MACROD2: variants seen among roughly 807,000 people sequenced by gnomAD.
The protein encoded by MACROD2 is mono-ADP ribosylhydrolase 2.
MACROD2 carries 36 observed loss-of-function variants against 70.4 expected under a neutral mutation model. The ratio of observed to expected loss-of-function variants is 0.51; its 90% CI spans 0.39 to 0.68. The LOEUF is 0.68. MACROD2 is among the 30% of genes least tolerant of loss of function. The pLI, the probability that MACROD2 is intolerant of heterozygous loss-of-function variation, is 0.00. For synonymous variants in MACROD2, 172 were observed against 178.8 expected, an observed-to-expected ratio of 0.96 and a Z score of 0.30; for missense variants, 496 against 538.4, an observed-to-expected ratio of 0.92 and a Z score of 0.78.
chr20:14,815,794 T>C (rs1390632073), intron 5 of MACROD2, among the ~76,000 whole-genome samples: 2 of 152,052 alleles, frequency 1.3e-5, no homozygotes, highest in Non-Finnish European at 2.9e-5. Flanking sequence ...ATTTTTAAAA[T>C]ATCTAACATA....
chr20:14,744,551 G>A (rs2071775130), intron 5 of MACROD2, among the ~76,000 whole-genome samples: 1 of 151,892 alleles, frequency 6.6e-6, no homozygotes, highest in Non-Finnish European at 1.5e-5. Context: ...CAATGTAGTA[G>A]CTTGTGAGAA....
chr20:15,844,394 T>A (rs940257338), intron 8 of MACROD2, among the ~76,000 whole-genome samples: 2 of 152,110 alleles, frequency 1.3e-5, no homozygotes, highest in African/African-American at 4.8e-5. Context: ...CTGCTATCAT[T>A]TAGTGAGCAT....
In MACROD2 at chr20:14,326,667, A is replaced by G. The variant is rs752008590; in HGVS notation, c.272-166812A>G. On this transcript the variant is annotated intron_variant, in intron 3 of 17. Coordinates refer to ENST00000684519, the MANE Select transcript of MACROD2 (RefSeq NM_001351661.2). This position sits in a 1 kb window ranked among gnomAD's most constrained non-coding sequence, Gnocchi z 5.5. ...CCTGAGGTAAATTACTTAGGTTATTATTGGACATATCCAGTCGATAGAGCT... is the reference window on the plus strand; with the variant it reads ...CCTGAGGTAAATTACTTAGGTTATTGTTGGACATATCCAGTCGATAGAGCT... 6.2e-7 allele frequency: 1 copy of G among 1,613,822 alleles called. No individual in the cohort carries two copies. Among genetic ancestry groups the G allele is most frequent in the South Asian group, 1.1e-5 (1 of 91,086 alleles).
rs532828685 is a variant in MACROD2 at position 14,709,355 on chromosome 20, AT to A, written c.418+24397del. Among the ~76,000 whole-genome samples, 54 of 152,236 alleles carry A rather than the reference AT, an allele frequency of 3.5e-4. No individual in the cohort carries two copies. In the South Asian group the frequency reaches 1.0e-2, roughly 28 times the overall value. Reference sequence around the variant, plus strand: ...GCACGAAGTCTGTGGCTTGTGCAAAATCTTTTACACATGCTTCAAGGATGCA... The same window carrying A: ...GCACGAAGTCTGTGGCTTGTGCAAAACTTTTACACATGCTTCAAGGATGCA... On this transcript the variant is annotated intron_variant, in intron 5 of 17. Transcript: ENST00000684519.
At chr20:14,651,343 G>A (rs931001649) in intron 4 of MACROD2, among the ~76,000 whole-genome samples, 1 of 152,120 alleles carries the variant, frequency 6.6e-6, no homozygotes, top group Non-Finnish European at 1.5e-5. Context: ...GGGGAAATTG[G>A]TGCCTCCACA....
At chr20:15,577,138 A>G (rs891116900) in intron 8 of MACROD2, among the ~76,000 whole-genome samples, 13 of 152,200 alleles carry the variant, frequency 8.5e-5, no homozygotes, top group African/African-American at 2.7e-4. Flanking sequence ...ACAATCAAGC[A>G]AAAGAACATT....
intron 10 of MACROD2, among the ~76,000 whole-genome samples, chr20:15,927,669 A>T (rs986161492): frequency 1.5e-4 from 23 of 152,146 alleles, no homozygotes; most frequent in Admixed American, 9.2e-4. Flanking sequence ...TTCACTGCAC[A>T]CCTTTTTATC....
At chr20:15,634,688 G>A (rs2049338267) in intron 8 of MACROD2, among the ~76,000 whole-genome samples, 1 of 152,186 alleles carries the variant, frequency 6.6e-6, no homozygotes. Context: ...GGTAGAGATG[G>A]CAGCCAGGAG....
chr20:15,172,735 T>G (rs1020645699), intron 5 of MACROD2, among the ~76,000 whole-genome samples: 5 of 152,176 alleles, frequency 3.3e-5, no homozygotes, highest in Non-Finnish European at 5.9e-5. Context: ...ATGGAGTGCC[T>G]CTCTTGAAAA....
chr20:14,704,274 A>C (rs2071241599), intron 5 of MACROD2, among the ~76,000 whole-genome samples: 1 of 152,072 alleles, frequency 6.6e-6, no homozygotes, highest in Non-Finnish European at 1.5e-5. Context: ...TTGTCCCTGA[A>C]TATAGCGTCC....
At chr20:15,087,816 AG>A (rs1327035073) in intron 5 of MACROD2, among the ~76,000 whole-genome samples, 2 of 152,046 alleles carry the variant, frequency 1.3e-5, no homozygotes, top group African/African-American at 4.8e-5. Context: ...ATATAGAAAA[AG>A]TTCTCACAAA....
intron 10 of MACROD2, among the ~76,000 whole-genome samples, chr20:15,886,763 A>G (rs973585496): frequency 2.0e-5 from 3 of 152,132 alleles, no homozygotes; most frequent in African/African-American, 7.2e-5. Flanking sequence ...GACCTTAGGC[A>G]AATGTCATTT....
intron 17 of MACROD2, among the ~76,000 whole-genome samples, chr20:16,045,489 A>G (rs1304900326): frequency 1.3e-5 from 2 of 152,110 alleles, no homozygotes; most frequent in African/African-American, 4.8e-5. Context: ...CCCTAAATTT[A>G]TAGAATTTTA....
rs2071939335 is a variant in MACROD2, at chr20:14,756,287, T to G, written c.418+71328T>G. ...ATGTATGTTACTCCTTCTTCTGGTC[T>G]GAGCTTAATCATGTCCCCTCCTCAG... is the stretch of plus-strand genomic sequence containing the variant. On this transcript the variant is annotated intron_variant, in intron 5 of 17. Coordinates refer to ENST00000684519, the MANE Select transcript of MACROD2 (RefSeq NM_001351661.2). Among the ~76,000 whole-genome samples, 7 of 152,136 alleles carry G rather than the reference T, an allele frequency of 4.6e-5. No individual in the cohort carries two copies. The South Asian group carries it at 1.2e-3, about 27-fold the overall frequency.
chr20:15,374,718 C>G (rs1381298037), intron 6 of MACROD2, among the ~76,000 whole-genome samples: 3 of 152,212 alleles, frequency 2.0e-5, no homozygotes, highest in Admixed American at 2.0e-4. Context: ...TCCCACTCTC[C>G]CGTTACACTT....
intron 5 of MACROD2, among the ~76,000 whole-genome samples, chr20:15,190,627 T>C (rs1463150275): frequency 2.6e-5 from 4 of 152,180 alleles, no homozygotes; most frequent in East Asian, 3.9e-4. Context: ...ATTGAAAAGA[T>C]AGTTTGTTAC....
At chr20:15,540,170 G>A (rs1306933966) in intron 8 of MACROD2, among the ~76,000 whole-genome samples, 1 of 152,208 alleles carries the variant, frequency 6.6e-6, no homozygotes, top group Non-Finnish European at 1.5e-5. Flanking sequence ...GCATGGCTGG[G>A]TGCATGAACT....
At chr20:14,079,427 A>T (rs2053960218) in intron 2 of MACROD2, among the ~76,000 whole-genome samples, 1 of 152,190 alleles carries the variant, frequency 6.6e-6, no homozygotes, top group Non-Finnish European at 1.5e-5. Context: ...TTTTATGGTT[A>T]TTGTTTTGGA....
At chr20:14,082,880 G>A (rs1343432302) in intron 2 of MACROD2, among the ~76,000 whole-genome samples, 1 of 152,044 alleles carries the variant, frequency 6.6e-6, no homozygotes, top group Non-Finnish European at 1.5e-5. Context: ...TTTATAATTT[G>A]GTTAATCACA....
Sources: gnomAD v4.1 joint callset for allele counts (sites outside exome capture counted in the v4.1 genomes callset) on GRCh38, gnomAD v4.1.1 for gene constraint, Gnocchi (gnomAD v3.1) non-coding constraint, MANE v1.5 for transcripts, NCBI Gene and HGNC (gene_info 2026-07-23, HGNC 2026-07-21) for gene names.